HOMER2: variants seen among roughly 807,000 people sequenced by gnomAD.
HOMER2 encodes homer protein homolog 2.
Under a neutral mutation model 47.0 loss-of-function variants are expected in HOMER2, and 27 were observed. That is an observed-to-expected ratio of 0.57 (90% CI 0.42 to 0.79). The LOEUF (loss-of-function observed/expected upper bound fraction) is 0.79, where lower values mean the gene tolerates loss of function less well. Among genes scored for constraint, HOMER2 ranks in the 30% least tolerant of loss-of-function variants. The pLI, the probability that HOMER2 is intolerant of heterozygous loss-of-function variation, is 0.00. For synonymous variants in HOMER2, 161 were observed against 163.8 expected, an observed-to-expected ratio of 0.98 and a Z score of 0.13; for missense variants, 443 against 435.0, an observed-to-expected ratio of 1.02 and a Z score of -0.16.
chr15:82,878,450 G>T (rs1208405023), intron 2 of HOMER2, among the ~76,000 whole-genome samples: 2 of 152,198 alleles, frequency 1.3e-5, no homozygotes, highest in African/African-American at 4.8e-5. Context: ...TACTTACAAA[G>T]CAACAACGGA....
chr15:82,889,878 C>T (rs2052653733), intron 2 of HOMER2, among the ~76,000 whole-genome samples: 1 of 152,154 alleles, frequency 6.6e-6, no homozygotes, highest in Non-Finnish European at 1.5e-5. Flanking sequence ...TCAGGTTCTC[C>T]AGACAGGATA....
Position 82,925,512 on chromosome 15 carries a change from A to G in HOMER2, c.5+27019T>C, listed in dbSNP as rs924562379. On this transcript the variant is annotated intron_variant, in intron 1 of 8. Transcript: ENST00000450735. ...AAAATGAGGATTCTAGATGGGCTGG[A>G]GTTAGTTTGCACTACCTTGGGAAAT... is the stretch of plus-strand genomic sequence containing the variant. 5.5e-4 allele frequency among the ~76,000 whole-genome samples: 84 copies of G among 152,170 alleles called. 1 individual carries two copies. The highest frequency in any genetic ancestry group is 1.9e-3 in the African/African-American group (77 of 41,438).
At chr15:82,893,223 G>T (rs1219808055) in intron 1 of HOMER2, among the ~76,000 whole-genome samples, 2 of 151,712 alleles carry the variant, frequency 1.3e-5, no homozygotes, top group Non-Finnish European at 2.9e-5. Context: ...AATTTTGGGG[G>T]ATTCTGCAAC....
rs1197361696 is a variant in HOMER2, at chr15:82,852,237, C to T, written c.667G>A (p.Glu223Lys). 3 of 1,613,490 alleles carry T rather than the reference C, an allele frequency of 1.9e-6. No individual in the cohort carries two copies. Among genetic ancestry groups the T allele is most frequent in the African/African-American group, 2.7e-5 (2 of 74,938 alleles). ...RLRNKIDELE[E>K]QCSEINREKE... is the part of the protein sequence containing the mutation. The stretch of plus-strand genomic sequence containing the variant: ...TCTCTGTTGATCTCACTGCATTGTT[C>T]TTCCAGCTCATCAATCTTCAATACA... The change falls in exon 7 of 9, where the codon GAA (glutamate) becomes AAA (lysine). Residue 223 changes from glutamate (E) to lysine (K), a missense_variant. By Grantham distance (56) the Glu-to-Lys change is moderately conservative (BLOSUM62 1). Coordinates refer to ENST00000450735, the MANE Select transcript of HOMER2 (RefSeq NM_004839.4).
chr15:82,849,757 A>G lies in HOMER2; in HGVS notation c.990T>C (p.His330=). Residue 330 remains histidine (H), a synonymous_variant, in exon 9 of 9, where the codon CAT becomes CAC. Coordinates refer to ENST00000450735, the MANE Select transcript of HOMER2 (RefSeq NM_004839.4). ...GCTTGGAGAGCCCTCGGCGGAAGTC[A>G]TGCAGGTCGTCAATCTTCCCGTCCA... The part of the protein sequence containing the change: ...EVLDGKIDDL[H]DFRRGLSKLG... 4 of 1,613,966 alleles carry G rather than the reference A, an allele frequency of 2.5e-6. No homozygotes were observed. Among genetic ancestry groups the G allele is most frequent in the Non-Finnish European group, 3.4e-6 (4 of 1,179,872 alleles).
At chr15:82,977,847 T>A (rs1430195389) in intron 1 of HOMER2, among the ~76,000 whole-genome samples, 3 of 151,850 alleles carry the variant, frequency 2.0e-5, no homozygotes, top group Non-Finnish European at 4.4e-5. Flanking sequence ...AAAAAATTAG[T>A]CAAAAATAAA....
intron 1 of HOMER2, among the ~76,000 whole-genome samples, chr15:82,921,629 T>A (rs964142441): frequency 6.6e-6 from 1 of 152,130 alleles, no homozygotes; most frequent in Non-Finnish European, 1.5e-5. Context: ...TCACCTAGTA[T>A]CACCTGAGAC....
At chr15:82,861,975 G>T (rs1201856588) in intron 4 of HOMER2, among the ~76,000 whole-genome samples, 4 of 151,994 alleles carry the variant, frequency 2.6e-5, no homozygotes, top group Non-Finnish European at 5.9e-5. Context: ...GTGAGCAGAG[G>T]TTGCAGCAAG....
intron 1 of HOMER2, among the ~76,000 whole-genome samples, chr15:82,980,019 T>A (rs2030338343): frequency 6.6e-6 from 1 of 152,120 alleles, no homozygotes; most frequent in Non-Finnish European, 1.5e-5. Flanking sequence ...GTTATGGGGA[T>A]ACCAACTTTT....
intron 1 of HOMER2, among the ~76,000 whole-genome samples, chr15:82,897,061 A>ATTTTTTT (rs1489192383): frequency 2.2e-5 from 1 of 46,006 alleles, no homozygotes; most frequent in Non-Finnish European, 5.3e-5. Context: ...ATTTGATGTC[A>ATTTTTTT]TTTCTTTTTT....
chr15:82,952,437 C>G, intron 1 of HOMER2, 94 bp downstream of exon 1: 1 of 927,422 alleles, frequency 1.1e-6, no homozygotes, highest in Non-Finnish European at 1.4e-6. Flanking sequence ...CGGGGGCCGG[C>G]CCGCCGGGAG....
chr15:82,952,571 C>G lies in HOMER2; in HGVS notation c.-36G>C, dbSNP rs1208388181. The stretch of plus-strand genomic sequence containing the variant: ...GCTCCGGCGGCCGCTCCGACGGGGC[C>G]TCTCGCGCTCGCTCTCCGCCCGCTC... On this transcript the variant is annotated 5_prime_UTR_variant, in exon 1 of 9. Coordinates refer to ENST00000450735, the MANE Select transcript of HOMER2 (RefSeq NM_004839.4). 1.0e-5 allele frequency: 12 copies of G among 1,164,508 alleles called. No homozygotes were observed. In the East Asian group the frequency reaches 4.7e-4, roughly 46 times the overall value. 72.1% of individuals were successfully genotyped at this position (1,164,508 alleles called of 1,614,324 possible).
At position 82,849,724 on chromosome 15, in the gene HOMER2, G is replaced by A. The variant is rs375487342; in HGVS notation, c.1023C>T (p.Thr341=). 1.3e-5 allele frequency: 21 copies of A among 1,613,214 alleles called. No homozygotes were observed. The highest frequency in any genetic ancestry group is 7.7e-5 in the South Asian group (7 of 90,940). Residue 341 remains threonine, a synonymous_variant, in exon 9 of 9, where the codon ACC becomes ACT. Coordinates refer to ENST00000450735, the MANE Select transcript of HOMER2 (RefSeq NM_004839.4). ...DFRRGLSKLG[T]DN ...TGGGCCTCGGCCAGCCCTAGTTATCGGTGCCCAGCTTGGAGAGCCCTCGGC... is the reference window on the plus strand; with the variant it reads ...TGGGCCTCGGCCAGCCCTAGTTATCAGTGCCCAGCTTGGAGAGCCCTCGGC...
Position 82,962,099 on chromosome 15 carries a change from G to A in HOMER2, n.83-2791C>T, listed in dbSNP as rs545956267. Among the ~76,000 whole-genome samples the A allele has an allele frequency of 3.3e-5, 5 of 151,712 alleles. No individual in the cohort carries two copies. The South Asian group carries it at 6.3e-4, about 19-fold the overall frequency. On this transcript the variant is annotated intron_variant and non_coding_transcript_variant, in intron 1 of 1. Transcript: ENST00000500334. The stretch of plus-strand genomic sequence containing the variant: ...TTTAAAAAATGTCCAGGCCGGGTGC[G>A]GTGACTCACACCCGTAATGCCAGCA...
chr15:82,952,779 G>A, upstream of HOMER2: 1 of 857,400 alleles, frequency 1.2e-6, no homozygotes, highest in Non-Finnish European at 1.4e-6. Flanking sequence ...CTCCCCAGCC[G>A]CTACCCCCGC....
intron 1 of HOMER2, among the ~76,000 whole-genome samples, chr15:82,978,681 A>G (rs2151262496): frequency 6.6e-6 from 1 of 152,222 alleles, no homozygotes; most frequent in East Asian, 1.9e-4. Flanking sequence ...AGTTTCCCCC[A>G]TGCTATTCTT....
chr15:82,864,724 T>A (rs1478827641), intron 3 of HOMER2, among the ~76,000 whole-genome samples: 1 of 152,232 alleles, frequency 6.6e-6, no homozygotes, highest in Non-Finnish European at 1.5e-5. Flanking sequence ...AACTGTTAAA[T>A]CTAGGTAATG....
rs114778976 is a variant in HOMER2 at position 82,952,386 on chromosome 15, C to T, written c.5+145G>A. On this transcript the variant is annotated intron_variant, in intron 1 of 8. Transcript: ENST00000450735. ...AGGGCGCGGGTCAGGTGGCCCCAGA[C>T]TCCCGGGCGCAGAGTGTGCGCTCGC... The T allele has an allele frequency of 0.013, 6,739 of 517,502 alleles. 327 individuals carry two copies. The highest frequency in any genetic ancestry group is 0.12 in the African/African-American group (5,744 of 49,070). The allele number at this position is 517,502 out of a possible 1,614,324, so 32.1% of individuals were successfully genotyped here.
chr15:82,866,686 G>C (rs1010441923), intron 3 of HOMER2, among the ~76,000 whole-genome samples: 7 of 152,170 alleles, frequency 4.6e-5, no homozygotes, highest in African/African-American at 1.7e-4. Context: ...CTGTTCTTAT[G>C]ATAGTGAATA....
Sources: allele counts gnomAD v4.1 joint callset (sites outside exome capture counted in the v4.1 genomes callset), GRCh38; gene constraint gnomAD v4.1.1; transcripts MANE v1.5; gene names NCBI Gene and HGNC (gene_info 2026-07-23, HGNC 2026-07-21).